Variants in AP1M2 observed in about 807,000 individuals in gnomAD.
AP1M2 encodes the protein AP-1 complex subunit mu-2.
AP1M2 carries 41 observed loss-of-function variants against 54.6 expected under a neutral mutation model. That is an observed-to-expected ratio of 0.75 (90% CI 0.59 to 0.97). The LOEUF (loss-of-function observed/expected upper bound fraction) is 0.97. AP1M2 is among the 50% of genes least tolerant of loss of function. The pLI is 0.00. For missense variants in AP1M2, 507 were observed against 561.2 expected (o/e 0.90, Z 0.98); for synonymous variants, 219 against 215.9 (o/e 1.01, Z -0.13).
Position 10,574,501 on chromosome 19 carries a change from G to T in AP1M2, c.1174-9C>A. The T allele has an allele frequency of 6.4e-7, 1 of 1,558,662 alleles. No individual in the cohort carries two copies. The highest frequency in any genetic ancestry group is 1.2e-5 in the South Asian group (1 of 84,444). ...ATCTTCATGTATCGGACCTGGAAGG[G>T]AATGAAAAGAGGTGGTCCAGGATTG... On this transcript the variant is annotated splice_polypyrimidine_tract_variant and intron_variant, in intron 10 of 11. Transcript: ENST00000250244.
rs376558655 is a variant in AP1M2, at chr19:10,584,032, C to A, written c.81G>T (p.Met27Ile). 1 of 1,610,920 alleles carries A rather than the reference C, an allele frequency of 6.2e-7. No homozygotes were observed. Among genetic ancestry groups the A allele is most frequent in the African/African-American group, 1.3e-5 (1 of 74,882 alleles). The change falls in exon 2 of 12, where the codon ATG becomes ATT. Residue 27 changes from methionine (M) to isoleucine (I), a missense_variant. Physicochemically the swap from Met to Ile is conservative, Grantham distance 10 (BLOSUM62 1). Coordinates refer to ENST00000250244, the MANE Select transcript of AP1M2 (RefSeq NM_005498.5). Reference protein sequence around the residue: ...ISRNYKGDVAMSKIEHFMPLL... With the variant: ...ISRNYKGDVAISKIEHFMPLL... ...AAGGCATGAAGTGCTCAATCTTGCT[C>A]ATGGCCACATCGCCCTTGTAGTTGC...
chr19:10,584,654 G>GGGAA (rs199907734), intron 1 of AP1M2, among the ~76,000 whole-genome samples: 53 of 139,598 alleles, frequency 3.8e-4, no homozygotes, highest in East Asian at 1.9e-3. Context: ...GAGGGTAGGA[G>GGGAA]GGAAGGAAGG....
chr19:10,574,226 G>C (rs1166286899), intron 11 of AP1M2, 191 bp downstream of exon 11: 2 of 517,748 alleles, frequency 3.9e-6, no homozygotes, highest in Non-Finnish European at 6.8e-6. Flanking sequence ...CACCATGTTG[G>C]CCAGGTTGGT....
intron 6 of AP1M2, 119 bp from the exon 7 acceptor site, chr19:10,579,977 A>G: frequency 7.9e-6 from 8 of 1,007,202 alleles, no homozygotes; most frequent in Non-Finnish European, 1.1e-5. Flanking sequence ...GGGCCCAGAG[A>G]GAATGAGCAA....
intron 8 of AP1M2, among the ~76,000 whole-genome samples, chr19:10,577,893 C>T (rs1044975983): frequency 7.2e-5 from 11 of 152,192 alleles, no homozygotes; most frequent in Non-Finnish European, 1.2e-4. Flanking sequence ...TGTGCCACCA[C>T]GCCCTGCTAA....
chr19:10,581,408 G>C lies in AP1M2; in HGVS notation c.547-16C>G. On this transcript the variant is annotated splice_polypyrimidine_tract_variant and intron_variant, in intron 5 of 11. Coordinates refer to ENST00000250244, the MANE Select transcript of AP1M2 (RefSeq NM_005498.5). ...TGGCATTGACCTGAGGGAGGACGTTGGGTATAGTTAGCAGGCATCAAACTC... is the reference window on the plus strand; with the variant it reads ...TGGCATTGACCTGAGGGAGGACGTTCGGTATAGTTAGCAGGCATCAAACTC... 6.2e-7 allele frequency: 1 copy of C among 1,609,558 alleles called. No homozygotes were observed. The highest frequency in any genetic ancestry group is 8.5e-7 in the Non-Finnish European group (1 of 1,176,232).
chr19:10,575,752 T>C (rs1375695430), intron 9 of AP1M2, among the ~76,000 whole-genome samples: 3 of 126,056 alleles, frequency 2.4e-5, no homozygotes, highest in Non-Finnish European at 4.9e-5. Flanking sequence ...CTTTTTTCTT[T>C]TTTTTTCTTT....
At position 10,579,885 on chromosome 19, in the gene AP1M2, G is replaced by A. The variant is rs1248664678; in HGVS notation, c.674-27C>T. The A allele has an allele frequency of 4.5e-6, 7 of 1,568,796 alleles. No individual in the cohort carries two copies. In the South Asian group the frequency reaches 8.1e-5, roughly 18 times the overall value. ...TGAAACTCAGAGTGGAGAGTGGAGA[G>A]TGACCCTGGGAACCAGGAAAGGATC... On this transcript the variant is annotated intron_variant, in intron 6 of 11. Transcript: ENST00000250244.
chr19:10,577,321 G>C lies in AP1M2; in HGVS notation c.924C>G (p.Asn308Lys). Residue 308 changes from asparagine to lysine, a missense_variant, in exon 9 of 12, where the codon AAC becomes AAG. Asn to Lys is a moderately conservative substitution (Grantham distance 94, BLOSUM62 0). Transcript: ENST00000250244. ...GTACAGGCACAGATATCTCCACACC[G>C]TTGGCCACTGACTGTTTCTTAAACT... ...KGQFKKQSVA[N>K]GVEISVPVPS... 1.2e-6 allele frequency: 2 copies of C among 1,610,028 alleles called. No homozygotes were observed. The highest frequency in any genetic ancestry group is 1.7e-6 in the Non-Finnish European group (2 of 1,178,294).
At chr19:10,584,804 AC>A (rs1340049191) in intron 1 of AP1M2, among the ~76,000 whole-genome samples, 1 of 152,104 alleles carries the variant, frequency 6.6e-6, no homozygotes. Context: ...GAGGTTAGAA[AC>A]CATGTCCACT....
chr19:10,585,141 G>T (rs919462823), intron 1 of AP1M2: 2 of 151,360 alleles, frequency 1.3e-5, no homozygotes, highest in Non-Finnish European at 1.5e-5. Context: ...ATTGAGCCTA[G>T]GAGGTCGAGA....
At chr19:10,583,294 C>A (rs1462219899) in intron 3 of AP1M2, among the ~76,000 whole-genome samples, 1 of 151,972 alleles carries the variant, frequency 6.6e-6, no homozygotes, top group East Asian at 1.9e-4. Context: ...ACTTCATAAG[C>A]AGCTGATGAG....
intron 11 of AP1M2, among the ~76,000 whole-genome samples, chr19:10,573,660 C>CTTTT (rs35697396): frequency 2.8e-4 from 31 of 109,450 alleles, no homozygotes; most frequent in East Asian, 9.4e-4. Flanking sequence ...CTTTTTTTTC[C>CTTTT]TTTTTTTTTT....
At chr19:10,584,374 A>G (rs980674919) in intron 1 of AP1M2, among the ~76,000 whole-genome samples, 10 of 152,116 alleles carry the variant, frequency 6.6e-5, no homozygotes, top group Non-Finnish European at 1.0e-4. Context: ...AGGTCAAGAG[A>G]TCGAGACCAT....
chr19:10,585,279 GA>G (rs58758793), intron 1 of AP1M2, among the ~76,000 whole-genome samples: 1 of 27,436 alleles, frequency 3.6e-5, no homozygotes, highest in Non-Finnish European at 6.8e-5. Context: ...AAAGAAAGAA[GA>G]AAAAAAGAAA....
rs985478636 is a variant in AP1M2, at chr19:10,572,756, G to A, written c.*310C>T. On this transcript the variant is annotated 3_prime_UTR_variant, in exon 12 of 12. Transcript: ENST00000250244. ...CTCAGCGGCTGTGAAGGAGGGACCC[G>A]CAACACCCGCTAAGGCAGGTAATTG... is the stretch of plus-strand genomic sequence containing the variant. 12 of 304,676 alleles carry A rather than the reference G, an allele frequency of 3.9e-5. No individual in the cohort carries two copies. The highest frequency in any genetic ancestry group is 6.2e-5 in the Non-Finnish European group (10 of 161,142). 18.9% of individuals were successfully genotyped at this position (304,676 alleles called of 1,614,324 possible). A position where few individuals can be genotyped will look rare whatever the true frequency, so the allele number is the denominator to read the frequency against.
At chr19:10,573,423 AAG>A (rs1347384010) in intron 11 of AP1M2, among the ~76,000 whole-genome samples, 1 of 151,886 alleles carries the variant, frequency 6.6e-6, no homozygotes, top group Non-Finnish European at 1.5e-5. Flanking sequence ...CATCTCAAAA[AAG>A]AAAAGAAATG....
At chr19:10,578,713 G>C (rs1205145013) in intron 8 of AP1M2, among the ~76,000 whole-genome samples, 179 bp downstream of exon 8, 1 of 151,850 alleles carries the variant, frequency 6.6e-6, no homozygotes, top group Non-Finnish European at 1.5e-5. Flanking sequence ...CACTTTACCA[G>C]GCTAATTTTT....
intron 1 of AP1M2, 121 bp downstream of exon 1, chr19:10,587,069 G>A (rs1917672027): frequency 8.9e-7 from 1 of 1,127,938 alleles, no homozygotes. Flanking sequence ...GGATTCCCAG[G>A]GATTGCAGGG....
Sources: allele counts gnomAD v4.1 joint callset (sites outside exome capture counted in the v4.1 genomes callset), GRCh38; gene constraint gnomAD v4.1.1; transcripts MANE v1.5; gene names NCBI Gene and HGNC (gene_info 2026-07-23, HGNC 2026-07-21).